Variants in CPNE4 observed in about 807,000 individuals in gnomAD.
The protein encoded by CPNE4 is copine 4, also known as copine-4.
In CPNE4, 25 loss-of-function variants were observed where a neutral mutation model predicts 67.9. That is an observed-to-expected ratio of 0.37 (90% CI 0.27 to 0.51). The LOEUF (loss-of-function observed/expected upper bound fraction) is 0.51, where lower values mean the gene tolerates loss of function less well. CPNE4 is among the 20% of genes least tolerant of loss of function. The pLI is 0.93. For synonymous variants in CPNE4, 242 were observed against 244.9 expected (o/e 0.99, Z 0.11); for missense variants, 464 against 690.8 (o/e 0.67, Z 3.68).
chr3:131,697,619 CA>C (rs1262510531), intron 4 of CPNE4, among the ~76,000 whole-genome samples: 1 of 152,126 alleles, frequency 6.6e-6, no homozygotes, highest in Non-Finnish European at 1.5e-5. Context: ...AATGTGTGAA[CA>C]ACTGAGAGTA....
At chr3:131,550,636 C>T (rs16837038) in intron 13 of CPNE4, among the ~76,000 whole-genome samples, 25,880 of 152,040 alleles carry the variant, frequency 0.17, 2,467 homozygotes, top group African/African-American at 0.26. Context: ...TTATACTCTG[C>T]GGGCAGGAAT....
intron 1 of CPNE4, among the ~76,000 whole-genome samples, chr3:131,935,003 T>C (rs1323411439): frequency 6.6e-6 from 1 of 152,086 alleles, no homozygotes; most frequent in African/African-American, 2.4e-5. Context: ...TTTAGAGATT[T>C]TAGGAGGATG....
intron 2 of CPNE4, among the ~76,000 whole-genome samples, chr3:131,791,111 G>A (rs569543507): frequency 5.9e-5 from 9 of 152,188 alleles, no homozygotes; most frequent in African/African-American, 2.2e-4. Flanking sequence ...TGAGATGAAT[G>A]GCTACTCCTC....
chr3:131,686,862 A>C (rs992595582), intron 5 of CPNE4, among the ~76,000 whole-genome samples: 6 of 152,150 alleles, frequency 3.9e-5, no homozygotes, highest in Non-Finnish European at 8.8e-5. Flanking sequence ...TCTCTGATGC[A>C]CCTATGAGTC....
rs775230612 is a variant in CPNE4 at position 131,776,534 on chromosome 3, G to T, written c.181-52909C>A. Among the ~76,000 whole-genome samples, 160 of 152,244 alleles carry T rather than the reference G, an allele frequency of 1.1e-3. 3 individuals carry two copies. The highest frequency in any genetic ancestry group is 2.9e-4 in the Non-Finnish European group (20 of 67,992). ...CAAGGGATAAGAAGAGAGTGTGATT[G>T]TGGGAACTTTATTTCAGACAAAACT... On this transcript the variant is annotated intron_variant, in intron 2 of 15. Transcript: ENST00000429747.
chr3:132,002,042 C>T (rs984308314), intron 1 of CPNE4, among the ~76,000 whole-genome samples: 4 of 152,012 alleles, frequency 2.6e-5, no homozygotes, highest in East Asian at 3.9e-4. Context: ...GGCTCCTTTC[C>T]GAAGGATGAT....
chr3:131,548,791 A>G (rs1284807435), intron 14 of CPNE4, among the ~76,000 whole-genome samples: 1 of 152,144 alleles, frequency 6.6e-6, no homozygotes, highest in Non-Finnish European at 1.5e-5. Flanking sequence ...GGGAATTTAG[A>G]TTTTACTCCA....
At chr3:131,540,506 C>T (rs1935421765) in intron 15 of CPNE4, among the ~76,000 whole-genome samples, 1 of 152,134 alleles carries the variant, frequency 6.6e-6, no homozygotes, top group Non-Finnish European at 1.5e-5. Context: ...AGGACTGGTA[C>T]CAGGATTACA....
chr3:131,962,785 T>C (rs186733376), intron 1 of CPNE4, among the ~76,000 whole-genome samples: 2 of 152,226 alleles, frequency 1.3e-5, no homozygotes, highest in East Asian at 3.9e-4. Context: ...AAAATGGCTT[T>C]CAGCAGATTC....
At chr3:131,862,955 G>A (rs1277961221) in intron 2 of CPNE4, among the ~76,000 whole-genome samples, 2 of 150,088 alleles carry the variant, frequency 1.3e-5, no homozygotes, top group African/African-American at 2.4e-5. Flanking sequence ...GAGAACATGC[G>A]GTGTTTGGTT....
chr3:131,712,404 T>C (rs980306535), intron 3 of CPNE4, among the ~76,000 whole-genome samples: 1 of 152,214 alleles, frequency 6.6e-6, no homozygotes, highest in Non-Finnish European at 1.5e-5. Context: ...GGACCATATT[T>C]TTAATCCCCT....
At chr3:131,949,264 T>C (rs1346962006) in intron 1 of CPNE4, among the ~76,000 whole-genome samples, 1 of 152,178 alleles carries the variant, frequency 6.6e-6, no homozygotes, top group Non-Finnish European at 1.5e-5. Context: ...ATAAATAAGG[T>C]ACTCCCTTCA....
chr3:132,020,164 C>A (rs1260202076), intron 1 of CPNE4, among the ~76,000 whole-genome samples: 1 of 152,230 alleles, frequency 6.6e-6, no homozygotes, highest in African/African-American at 2.4e-5. Flanking sequence ...GGCTTTCCCC[C>A]TCCTCAGCCC....
intron 7 of CPNE4, among the ~76,000 whole-genome samples, chr3:131,590,903 A>G (rs566542157): frequency 6.6e-6 from 1 of 152,300 alleles, no homozygotes; most frequent in Admixed American, 6.5e-5. Context: ...CTTTGACAGG[A>G]GTGATGGGAA....
intron 2 of CPNE4, among the ~76,000 whole-genome samples, chr3:131,792,647 G>GTGTA (rs1553772195): frequency 2.3e-5 from 1 of 43,930 alleles, no homozygotes; most frequent in African/African-American, 7.1e-5. Context: ...GTGTATATAT[G>GTGTA]TATATATACA....
At chr3:131,618,791 C>T (rs182272136) in intron 7 of CPNE4, among the ~76,000 whole-genome samples, 1 of 152,232 alleles carries the variant, frequency 6.6e-6, no homozygotes, top group East Asian at 1.9e-4. Context: ...CAGAGGTCCC[C>T]ATTCCCAAGG....
chr3:131,905,595 C>T (rs1381071051), intron 1 of CPNE4, 151 bp from the exon 2 acceptor site: 7 of 690,486 alleles, frequency 1.0e-5, no homozygotes, highest in African/African-American at 9.1e-5. Flanking sequence ...CCCAGTGACA[C>T]AGTTCCAGTG....
At chr3:131,563,699 C>T (rs2107664045) in intron 11 of CPNE4, among the ~76,000 whole-genome samples, 1 of 152,142 alleles carries the variant, frequency 6.6e-6, no homozygotes, top group Admixed American at 6.5e-5. Flanking sequence ...GACCTGGGCT[C>T]AAGTCCTGCC....
chr3:132,008,984 T>C (rs554535533), intron 1 of CPNE4, among the ~76,000 whole-genome samples: 33 of 152,214 alleles, frequency 2.2e-4, no homozygotes, highest in Admixed American at 1.5e-3. Context: ...CTCCGGGCTG[T>C]TTATTTTGGC....
Sources: allele counts gnomAD v4.1 joint callset (sites outside exome capture counted in the v4.1 genomes callset), GRCh38; gene constraint gnomAD v4.1.1; transcripts MANE v1.5; gene names NCBI Gene and HGNC (gene_info 2026-07-23, HGNC 2026-07-21).